DCP1A: variants seen among roughly 807,000 people sequenced by gnomAD.
DCP1A encodes decapping mRNA 1A, also known as mRNA-decapping enzyme 1A.
DCP1A carries 20 observed loss-of-function variants against 58.0 expected under a neutral mutation model. That is an observed-to-expected ratio of 0.34 (90% CI 0.24 to 0.50). DCP1A has a LOEUF of 0.50. Ranked by LOEUF, DCP1A falls within the 20% of genes least tolerant of loss-of-function variation. The pLI is 0.98. For missense variants in DCP1A, 613 were observed against 712.2 expected (o/e 0.86, Z 1.59); for synonymous variants, 285 against 275.1 (o/e 1.04, Z -0.36).
At chr3:53,294,374 C>CCCTG (rs1470386946) in intron 6 of DCP1A, among the ~76,000 whole-genome samples, 3 of 151,988 alleles carry the variant, frequency 2.0e-5, no homozygotes, top group African/African-American at 7.3e-5. Context: ...CTAGAGGACA[C>CCCTG]CCTGGTATCT....
chr3:53,337,805 TCCAGTATGGCAGCTG>T (rs1353119923), intron 3 of DCP1A, among the ~76,000 whole-genome samples: 1 of 152,220 alleles, frequency 6.6e-6, no homozygotes, highest in Non-Finnish European at 1.5e-5. Context: ...ACTTCCACTG[TCCAGTATGGCAGCTG>T]CCAGCACATA....
chr3:53,305,846 G>C (rs550456347), intron 5 of DCP1A, among the ~76,000 whole-genome samples: 1 of 151,972 alleles, frequency 6.6e-6, no homozygotes. Context: ...ATATTATTAA[G>C]TTACCATTAA....
Position 53,288,255 on chromosome 3 carries a change from G to A in DCP1A, c.1478C>T (p.Thr493Met), listed in dbSNP as rs782505743. The A allele has an allele frequency of 4.3e-6, 7 of 1,612,880 alleles. No individual in the cohort carries two copies. The highest frequency in any genetic ancestry group is 1.3e-5 in the African/African-American group (1 of 75,044). Residue 493 changes from threonine (T) to methionine (M), a missense_variant, in exon 9 of 10, where the codon ACG becomes ATG. Thr to Met is a moderately conservative substitution (Grantham distance 81). This residue lies in a region of DCP1A where 498 missense variants were observed against 556.7 expected (regional missense o/e 0.89). Coordinates refer to ENST00000610213, the MANE Select transcript of DCP1A (RefSeq NM_018403.7). ...CAGGACTGAAGACACTGCAGTGGTC[G>A]TTGCAGTAACCAGTGGGGCGCCTGC... ...PVAGAPLVTA[T>M]TTAVSSVLLA...
intron 3 of DCP1A, among the ~76,000 whole-genome samples, chr3:53,323,813 G>T (rs1343281150): frequency 7.1e-6 from 1 of 140,952 alleles, no homozygotes; most frequent in Non-Finnish European, 1.5e-5. Context: ...AGTGAGCCGA[G>T]ATCGCACCAC....
chr3:53,346,196 T>C (rs1553693114), intron 1 of DCP1A, among the ~76,000 whole-genome samples: 1 of 152,220 alleles, frequency 6.6e-6, no homozygotes, highest in Non-Finnish European at 1.5e-5. Context: ...TAAGGCAATG[T>C]CTAAAATAGC....
intron 3 of DCP1A, among the ~76,000 whole-genome samples, chr3:53,335,207 C>T (rs1575619945): frequency 1.3e-5 from 2 of 152,034 alleles, no homozygotes; most frequent in South Asian, 4.2e-4. Flanking sequence ...GTGGCATCAT[C>T]CCGGCTCACT....
intron 2 of DCP1A, among the ~76,000 whole-genome samples, chr3:53,343,369 C>A (rs138667133): frequency 6.6e-6 from 1 of 152,178 alleles, no homozygotes; most frequent in Non-Finnish European, 1.5e-5. Context: ...AACACAGTTT[C>A]TTGCGTCTCC....
intron 1 of DCP1A, 110 bp downstream of exon 1, chr3:53,347,273 T>G: frequency 7.6e-7 from 1 of 1,312,024 alleles, no homozygotes; most frequent in Non-Finnish European, 9.9e-7. Context: ...TGGCCTCGTC[T>G]CCACCGCCCT....
At chr3:53,299,049 TATG>T (rs558622134) in intron 6 of DCP1A, among the ~76,000 whole-genome samples, 116 of 152,350 alleles carry the variant, frequency 7.6e-4, no homozygotes, top group African/African-American at 2.4e-3. Context: ...AAATACACTC[TATG>T]ATGTTCGGAG....
chr3:53,331,386 G>C (rs1358567137), intron 3 of DCP1A, among the ~76,000 whole-genome samples: 2 of 152,158 alleles, frequency 1.3e-5, no homozygotes, highest in Non-Finnish European at 2.9e-5. Flanking sequence ...CCTAACAGTG[G>C]TCTCTTAAGA....
chr3:53,288,544 T>A (rs1706733063), intron 8 of DCP1A, among the ~76,000 whole-genome samples: 1 of 152,000 alleles, frequency 6.6e-6, no homozygotes, highest in South Asian at 2.1e-4. Flanking sequence ...ACCACCACAG[T>A]AGGTAAGAGA....
intron 3 of DCP1A, among the ~76,000 whole-genome samples, chr3:53,324,516 T>C (rs1381173634): frequency 4.6e-5 from 7 of 152,266 alleles, no homozygotes; most frequent in Non-Finnish European, 1.0e-4. Flanking sequence ...AACAATTCAC[T>C]TGCTGAAATA....
At chr3:53,300,154 T>C (rs1006788174) in intron 6 of DCP1A, among the ~76,000 whole-genome samples, 2 of 152,070 alleles carry the variant, frequency 1.3e-5, no homozygotes, top group African/African-American at 2.4e-5. Context: ...ATTACAGGTG[T>C]GAGCCTCCAT....
intron 3 of DCP1A, among the ~76,000 whole-genome samples, chr3:53,336,191 C>T (rs1553691904): frequency 6.6e-6 from 1 of 152,168 alleles, no homozygotes; most frequent in African/African-American, 2.4e-5. Flanking sequence ...GCAACCTCTG[C>T]CTCCCGGGTT....
chr3:53,325,099 A>T (rs1708072814), intron 3 of DCP1A, among the ~76,000 whole-genome samples: 1 of 152,222 alleles, frequency 6.6e-6, no homozygotes, highest in African/African-American at 2.4e-5. Flanking sequence ...GTTTTGAGTA[A>T]GAGTTTTCTA....
chr3:53,333,859 T>G (rs2089062562), intron 3 of DCP1A, among the ~76,000 whole-genome samples: 1 of 152,218 alleles, frequency 6.6e-6, no homozygotes, highest in Non-Finnish European at 1.5e-5. Context: ...TTACCGTGTA[T>G]GACTCACACA....
chr3:53,329,998 T>C (rs1259973932), intron 3 of DCP1A, among the ~76,000 whole-genome samples: 2 of 152,208 alleles, frequency 1.3e-5, no homozygotes, highest in African/African-American at 4.8e-5. Flanking sequence ...GACCATATAC[T>C]CTTTCCCAAC....
chr3:53,331,666 CTG>C (rs2089006421), intron 3 of DCP1A, among the ~76,000 whole-genome samples: 1 of 150,936 alleles, frequency 6.6e-6, no homozygotes, highest in African/African-American at 2.5e-5. Flanking sequence ...TGACTCATGA[CTG>C]TACTTTATTA....
intron 6 of DCP1A, among the ~76,000 whole-genome samples, chr3:53,296,101 G>A (rs375577055): frequency 3.9e-5 from 6 of 152,092 alleles, no homozygotes; most frequent in Admixed American, 1.3e-4. Flanking sequence ...CATGTTGCCC[G>A]GGCTGGTCTC....
Sources: allele counts gnomAD v4.1 joint callset (sites outside exome capture counted in the v4.1 genomes callset), GRCh38; gene constraint gnomAD v4.1.1; regional missense constraint gnomAD v4.1.1; transcripts MANE v1.5; gene names NCBI Gene and HGNC (gene_info 2026-07-23, HGNC 2026-07-21).